Variants in TTC28 observed in about 807,000 individuals in gnomAD.
TTC28 encodes the protein tetratricopeptide repeat domain 28.
In TTC28, 61 loss-of-function variants were observed where a neutral mutation model predicts 198.0. The observed-to-expected ratio is 0.31, with a 90% CI of 0.25 to 0.38. The LOEUF is 0.38. Ranked by LOEUF, TTC28 falls within the 10% of genes least tolerant of loss-of-function variation. The pLI is 1.00. For missense variants in TTC28, 2,678 were observed against 3,164.0 expected (o/e 0.85, Z 3.69); for synonymous variants, 1,171 against 1,297.8 (o/e 0.90, Z 2.10).
chr22:28,499,172 A>G (rs1037351506), intron 2 of TTC28, among the ~76,000 whole-genome samples: 2 of 152,172 alleles, frequency 1.3e-5, no homozygotes, highest in Admixed American at 6.5e-5. Flanking sequence ...GAGAGATCCC[A>G]TCTCTAGAAA....
intron 2 of TTC28, among the ~76,000 whole-genome samples, chr22:28,613,456 A>G (rs1041398156): frequency 6.6e-6 from 1 of 152,240 alleles, no homozygotes; most frequent in Admixed American, 6.5e-5. Context: ...TAATGAAGCC[A>G]GCATCATCCT....
At position 28,021,284 on chromosome 22, in the gene TTC28, T is replaced by C. The variant is rs150996118; in HGVS notation, c.4074-6892A>G. Among the ~76,000 whole-genome samples the C allele has an allele frequency of 1.5e-3, 232 of 152,228 alleles. 1 individual carries two copies. The highest frequency in any genetic ancestry group is 5.4e-3 in the African/African-American group (223 of 41,544). On this transcript the variant is annotated intron_variant, in intron 13 of 22. Coordinates refer to ENST00000397906, the MANE Select transcript of TTC28 (RefSeq NM_001145418.2). Reference sequence around the variant, plus strand: ...AGGGAACAAGCATGCTAGAGCTTAGTGCAATCTCGAAGAACCTCACTGGCT... The same window carrying C: ...AGGGAACAAGCATGCTAGAGCTTAGCGCAATCTCGAAGAACCTCACTGGCT...
intron 15 of TTC28, 90 bp downstream of exon 15, chr22:28,001,284 C>G: frequency 1.4e-6 from 2 of 1,440,326 alleles, no homozygotes; most frequent in Non-Finnish European, 1.9e-6. Context: ...ACAGCTATGC[C>G]TTCGTAACAC....
intron 2 of TTC28, among the ~76,000 whole-genome samples, chr22:28,489,188 G>T (rs1267279024): frequency 6.6e-6 from 1 of 151,946 alleles, no homozygotes; most frequent in African/African-American, 2.4e-5. Context: ...TGAGGCTGAG[G>T]CAAGAGGATC....
chr22:28,154,414 C>T (rs1158551836), intron 6 of TTC28, among the ~76,000 whole-genome samples: 1 of 148,828 alleles, frequency 6.7e-6, no homozygotes, highest in East Asian at 2.0e-4. Flanking sequence ...TGCAGTGGCG[C>T]GATCTCGGCA....
At chr22:28,536,610 C>T (rs1377277059) in intron 2 of TTC28, among the ~76,000 whole-genome samples, 3 of 151,908 alleles carry the variant, frequency 2.0e-5, no homozygotes, top group Admixed American at 6.6e-5. Flanking sequence ...GGCGACAGAG[C>T]GAGACTCCGT....
intron 12 of TTC28, among the ~76,000 whole-genome samples, chr22:28,039,344 A>C (rs1297983225): frequency 6.6e-6 from 1 of 152,194 alleles, no homozygotes; most frequent in Non-Finnish European, 1.5e-5. Context: ...GCAGCCATAA[A>C]AAAGGATGAG....
chr22:28,071,512 C>T (rs1189076508), intron 12 of TTC28, among the ~76,000 whole-genome samples: 1 of 144,032 alleles, frequency 6.9e-6, no homozygotes, highest in Non-Finnish European at 1.5e-5. Flanking sequence ...TATTCTCACT[C>T]ATAGGTGGGA....
chr22:28,587,460 A>G (rs2050338452), intron 2 of TTC28, among the ~76,000 whole-genome samples: 1 of 152,154 alleles, frequency 6.6e-6, no homozygotes. Flanking sequence ...CAGATCAATC[A>G]TCTTGAATTC....
intron 2 of TTC28, among the ~76,000 whole-genome samples, chr22:28,334,707 C>A (rs1328214186): frequency 6.6e-6 from 1 of 151,992 alleles, no homozygotes; most frequent in Non-Finnish European, 1.5e-5. Flanking sequence ...TTATTTTTTT[C>A]TTGTAAATTT....
chr22:28,514,130 TCTA>T (rs2048738496), intron 2 of TTC28, among the ~76,000 whole-genome samples: 1 of 152,202 alleles, frequency 6.6e-6, no homozygotes, highest in South Asian at 2.1e-4. Flanking sequence ...CATGTATTCT[TCTA>T]CTCTATCTTA....
At chr22:28,550,676 TATA>T (rs2049651114) in intron 2 of TTC28, among the ~76,000 whole-genome samples, 2 of 152,100 alleles carry the variant, frequency 1.3e-5, no homozygotes, top group Non-Finnish European at 1.5e-5. Context: ...TATTTTACAG[TATA>T]ATGACATAAA....
At chr22:28,018,658 TG>T (rs1339650916) in intron 13 of TTC28, among the ~76,000 whole-genome samples, 5 of 152,164 alleles carry the variant, frequency 3.3e-5, no homozygotes, top group Non-Finnish European at 7.4e-5. Context: ...TGGTCCCCAC[TG>T]GGGAACTGCC....
At chr22:28,275,859 C>G in intron 5 of TTC28, among the ~76,000 whole-genome samples, 1 of 152,042 alleles carries the variant, frequency 6.6e-6, no homozygotes. Context: ...GGGGTGGGAG[C>G]TGGTAAGTTT....
At chr22:28,162,640 G>A (rs1280845617) in intron 6 of TTC28, among the ~76,000 whole-genome samples, 1 of 152,190 alleles carries the variant, frequency 6.6e-6, no homozygotes, top group South Asian at 2.1e-4. Flanking sequence ...GAGAAGGCAG[G>A]ATCCAAGGAA....
chr22:28,554,067 A>T (rs2049747202), intron 2 of TTC28, among the ~76,000 whole-genome samples: 1 of 152,062 alleles, frequency 6.6e-6, no homozygotes, highest in South Asian at 2.1e-4. Flanking sequence ...TTGATCTGTG[A>T]CCTTACCCCC....
intron 2 of TTC28, among the ~76,000 whole-genome samples, chr22:28,379,670 G>A (rs1285976272): frequency 1.3e-5 from 2 of 152,156 alleles, no homozygotes; most frequent in Non-Finnish European, 2.9e-5. Context: ...TTTCAGTTTT[G>A]CAAGATGAAG....
intron 12 of TTC28, among the ~76,000 whole-genome samples, chr22:28,040,356 G>A (rs529653179): frequency 9.2e-5 from 14 of 152,190 alleles, no homozygotes; most frequent in Admixed American, 3.3e-4. Context: ...CTGGCAAACC[G>A]AATCCAGCAG....
chr22:28,416,982 G>A (rs573915273), intron 2 of TTC28, among the ~76,000 whole-genome samples: 2 of 152,270 alleles, frequency 1.3e-5, no homozygotes, highest in African/African-American at 2.4e-5. Flanking sequence ...TTGCAAGCGA[G>A]TTTCTTTTAG....
Sources: gnomAD v4.1 joint callset for allele counts (sites outside exome capture counted in the v4.1 genomes callset) on GRCh38, gnomAD v4.1.1 for gene constraint, MANE v1.5 for transcripts, NCBI Gene and HGNC (gene_info 2026-07-23, HGNC 2026-07-21) for gene names.